DNHD1: variants seen among roughly 807,000 people sequenced by gnomAD.
DNHD1 encodes the protein dynein heavy chain domain-containing protein 1.
Under a neutral mutation model 458.1 loss-of-function variants are expected in DNHD1, and 383 were observed. The ratio of observed to expected loss-of-function variants is 0.84; its 90% CI spans 0.77 to 0.91. The LOEUF (loss-of-function observed/expected upper bound fraction) is 0.91, where lower values mean the gene tolerates loss of function less well. Among genes scored for constraint, DNHD1 ranks in the 40% least tolerant of loss-of-function variants. DNHD1 has a pLI of 0.00. For synonymous variants in DNHD1, 2,203 were observed against 2,376.9 expected (o/e 0.93, Z 2.13); for missense variants, 5,336 against 5,866.1 (o/e 0.91, Z 2.95).
Position 6,547,311 on chromosome 11 carries a change from C to T in DNHD1, c.6372C>T (p.Leu2124=), listed in dbSNP as rs1233034050. 4 of 1,551,712 alleles carry T rather than the reference C, an allele frequency of 2.6e-6. No homozygotes were observed. Among genetic ancestry groups the T allele is most frequent in the Non-Finnish European group, 3.5e-6 (4 of 1,147,022 alleles). The change falls in exon 21 of 43, where the codon CTC becomes CTT. Residue 2124 remains leucine (L), a synonymous_variant. Transcript: ENST00000254579. ...TAGCACGACCCCCAGGCACCTTTCT[C>T]TTGATGGAGGTGGCTGACACAACAG... ...QQIARPPGTF[L]LMEVADTTGI... is the part of the protein sequence containing the mutation.
At chr11:6,533,562 A>G (rs1852876296) in intron 13 of DNHD1, 119 bp from the exon 14 acceptor site, 4 of 1,274,850 alleles carry the variant, frequency 3.1e-6, no homozygotes, top group Non-Finnish European at 4.2e-6. Context: ...CCAGTTGATT[A>G]CAAGGCTGCA....
intron 7 of DNHD1, among the ~76,000 whole-genome samples, chr11:6,512,603 AC>A (rs1356698441): frequency 6.6e-5 from 10 of 152,170 alleles, no homozygotes; most frequent in East Asian, 1.9e-4. Context: ...ATTTAAAAAT[AC>A]CCGTAATAAA....
At chr11:6,539,073 C>T (rs942335350) in intron 16 of DNHD1, 146 bp from the exon 17 acceptor site, 3 of 674,206 alleles carry the variant, frequency 4.4e-6, no homozygotes, top group South Asian at 1.9e-5. Flanking sequence ...ACCTTGAGTT[C>T]TAAGCTGTTG....
rs1240882496 is a variant in DNHD1 at position 6,545,427 on chromosome 11, C to T, written c.4488C>T (p.Val1496=). The change falls in exon 21 of 43, where the codon GTC becomes GTT. Residue 1496 remains valine, a synonymous_variant. Coordinates refer to ENST00000254579, the MANE Select transcript of DNHD1 (RefSeq NM_144666.3). The surrounding 1 kb of genome is among the most constrained non-coding windows in gnomAD (Gnocchi z 4.9). The part of the protein sequence containing the change: ...KQNKLYLQLY[V]QHWIDLVQAF... ...ACAAGTTGTACCTGCAACTGTATGT[C>T]CAGCACTGGATCGACTTAGTCCAGG... The T allele has an allele frequency of 6.4e-7, 1 of 1,551,842 alleles. No individual in the cohort carries two copies. Among genetic ancestry groups the T allele is most frequent in the South Asian group, 1.2e-5 (1 of 84,064 alleles).
chr11:6,549,992 A>G (rs558507994), intron 24 of DNHD1, among the ~76,000 whole-genome samples: 51 of 152,332 alleles, frequency 3.3e-4, no homozygotes, highest in Non-Finnish European at 5.9e-4. Flanking sequence ...AAGGAAGTCA[A>G]TGGGCTGAAG....
At position 6,498,255 on chromosome 11, in the gene DNHD1, G is replaced by A. The variant is rs769890689; in HGVS notation, c.40G>A (p.Glu14Lys). The change falls in exon 3 of 43, where the codon GAG becomes AAG. Residue 14 changes from glutamate to lysine, a missense_variant. Physicochemically the swap from Glu to Lys is moderately conservative, Grantham distance 56 (BLOSUM62 1). This residue lies in a region of DNHD1 where 3,932 missense variants were observed against 4,365.6 expected (regional missense o/e 0.90). Transcript: ENST00000254579. The part of the protein sequence containing the change: ...EERRVGLSSD[E>K]TSSDSLKSWH... ...GAGGAGGGTAGGTTTGTCTTCTGAT[G>A]AGACATCATCTGATTCCCTTAAGTC... is the stretch of plus-strand genomic sequence containing the variant. The A allele has an allele frequency of 5.6e-6, 9 of 1,614,124 alleles. No individual in the cohort carries two copies. In the South Asian group the frequency reaches 9.9e-5, roughly 18 times the overall value.
Position 6,571,530 on chromosome 11 carries a change from C to T in DNHD1, c.13912-106C>T. 2.1e-6 allele frequency: 3 copies of T among 1,455,150 alleles called. No individual in the cohort carries two copies. Among genetic ancestry groups the T allele is most frequent in the Non-Finnish European group, 2.7e-6 (3 of 1,092,130 alleles). 90.1% of individuals were successfully genotyped at this position (1,455,150 alleles called of 1,614,324 possible). A position where few individuals can be genotyped will look rare whatever the true frequency, so the allele number is the denominator to read the frequency against. ...ATCTTGCCCCCGGTAACCCTGCTAG[C>T]TTCTCCGATCTCGCTTCACCACGAC... On this transcript the variant is annotated intron_variant, in intron 42 of 42. Transcript: ENST00000254579. This position sits in a 1 kb window ranked among gnomAD's most constrained non-coding sequence, Gnocchi z 5.0.
At chr11:6,538,339 A>G in intron 14 of DNHD1, 44 bp from the exon 15 acceptor site, 1 of 1,543,974 alleles carries the variant, frequency 6.5e-7, no homozygotes, top group Non-Finnish European at 8.7e-7. Flanking sequence ...CCCCCCTCCC[A>G]ACACTGCAAG....
At chr11:6,499,488 C>T (rs1333448064) in intron 3 of DNHD1, among the ~76,000 whole-genome samples, 4 of 152,100 alleles carry the variant, frequency 2.6e-5, no homozygotes, top group Non-Finnish European at 4.4e-5. Context: ...TCATTTTGAC[C>T]CTTCCAGAGT....
chr11:6,547,971 A>T lies in DNHD1; in HGVS notation c.6836A>T (p.Glu2279Val). The change falls in exon 22 of 43, where the codon GAA (glutamate) becomes GTA (valine). Residue 2279 changes from glutamate to valine, a missense_variant. Coordinates refer to ENST00000254579, the MANE Select transcript of DNHD1 (RefSeq NM_144666.3). ...DSDDVPDKCR[E>V]HLLAVSSFLF... is the part of the protein sequence containing the mutation. ...GACGATGTGCCAGATAAGTGCAGGG[A>T]ACACTTGCTGGCTGTCAGCAGTTTT... 1 of 1,551,774 alleles carries T rather than the reference A, an allele frequency of 6.4e-7. No homozygotes were observed. The highest frequency in any genetic ancestry group is 1.4e-5 in the African/African-American group (1 of 73,140).
chr11:6,520,927 G>A (rs1428946595), intron 10 of DNHD1: 2 of 943,590 alleles, frequency 2.1e-6, no homozygotes, highest in Non-Finnish European at 2.5e-6. Flanking sequence ...TCATTAAGAA[G>A]ATTTAAAGAC....
intron 10 of DNHD1, among the ~76,000 whole-genome samples, chr11:6,525,483 A>G (rs1163220744): frequency 6.6e-6 from 1 of 152,212 alleles, no homozygotes; most frequent in Non-Finnish European, 1.5e-5. Flanking sequence ...CATTCTCTAC[A>G]TCGTCATTTC....
At chr11:6,547,803 T>C in intron 21 of DNHD1, 60 bp from the exon 22 acceptor site, 3 of 1,541,118 alleles carry the variant, frequency 1.9e-6, no homozygotes, top group East Asian at 2.4e-5. Flanking sequence ...CTTTTTTCTT[T>C]CTTTCACCTT....
intron 3 of DNHD1, among the ~76,000 whole-genome samples, chr11:6,500,578 C>T (rs1852112901): frequency 6.6e-6 from 1 of 152,222 alleles, no homozygotes; most frequent in Non-Finnish European, 1.5e-5. Flanking sequence ...TACAAGTTTC[C>T]TTTCCTGGGA....
chr11:6,522,636 T>A (rs1230533345), intron 10 of DNHD1, among the ~76,000 whole-genome samples: 1 of 152,156 alleles, frequency 6.6e-6, no homozygotes, highest in African/African-American at 2.4e-5. Context: ...AAAAATGGAA[T>A]AAATTTTGAA....
rs185596759 is a variant in DNHD1 at position 6,533,073 on chromosome 11, A to G, written c.2394A>G (p.Gln798=). 4.0e-4 allele frequency: 621 copies of G among 1,551,692 alleles called. 1 individual carries two copies. In the African/African-American group the frequency reaches 7.5e-3, roughly 19 times the overall value. Residue 798 remains glutamine, a synonymous_variant, in exon 13 of 43, where the codon CAA becomes CAG. Transcript: ENST00000254579. ...SIRKDILAHV[Q]NECWNLSQQL... is the part of the protein sequence containing the mutation. ...GGAAGGACATTCTTGCACACGTGCA[A>G]AATGAGTGCTGGAACCTCAGTCAAC...
At position 6,571,537 on chromosome 11, in the gene DNHD1, G is replaced by A. The variant is rs1296340411; in HGVS notation, c.13912-99G>A. 2.1e-6 allele frequency: 3 copies of A among 1,455,322 alleles called. No homozygotes were observed. Among genetic ancestry groups the A allele is most frequent in the Non-Finnish European group, 2.7e-6 (3 of 1,092,226 alleles). The allele number at this position is 1,455,322 out of a possible 1,614,324, so 90.2% of individuals were successfully genotyped here. A position where few individuals can be genotyped will look rare whatever the true frequency, so the allele number is the denominator to read the frequency against. On this transcript the variant is annotated intron_variant, in intron 42 of 42. Coordinates refer to ENST00000254579, the MANE Select transcript of DNHD1 (RefSeq NM_144666.3). The surrounding 1 kb of genome is among the most constrained non-coding windows in gnomAD (Gnocchi z 5.0). ...CCCCGGTAACCCTGCTAGCTTCTCC[G>A]ATCTCGCTTCACCACGACCTCCTAC... is the stretch of plus-strand genomic sequence containing the variant.
Position 6,564,066 on chromosome 11 carries a change from A to G in DNHD1, c.10226A>G (p.Lys3409Arg), listed in dbSNP as rs1468042514. The G allele has an allele frequency of 1.3e-6, 2 of 1,551,528 alleles. No homozygotes were observed. The highest frequency in any genetic ancestry group is 1.7e-6 in the Non-Finnish European group (2 of 1,147,000). Reference sequence around the variant, plus strand: ...CAAGCACAGTGTGGGCAGTATCACAAATGGCCCATGAAGGCTGCACTGCTC... The same window carrying G: ...CAAGCACAGTGTGGGCAGTATCACAGATGGCCCATGAAGGCTGCACTGCTC... ...LSQAQCGQYH[K>R]WPMKAALLTP... The change falls in exon 31 of 43, where the codon AAA becomes AGA. Residue 3409 changes from lysine to arginine, a missense_variant. Physicochemically the swap from Lys to Arg is conservative, Grantham distance 26. This residue lies in a region of DNHD1 where 3,932 missense variants were observed against 4,365.6 expected (regional missense o/e 0.90). Transcript: ENST00000254579.
At chr11:6,536,278 T>C (rs1029347935) in intron 14 of DNHD1, among the ~76,000 whole-genome samples, 1 of 152,128 alleles carries the variant, frequency 6.6e-6, no homozygotes, top group African/African-American at 2.4e-5. Flanking sequence ...GATGCTATAA[T>C]TGAGGCAAAA....
Sources: gnomAD v4.1 joint callset for allele counts (sites outside exome capture counted in the v4.1 genomes callset) on GRCh38, gnomAD v4.1.1 for gene constraint, gnomAD v4.1.1 regional missense constraint, Gnocchi (gnomAD v3.1) non-coding constraint, MANE v1.5 for transcripts, NCBI Gene and HGNC (gene_info 2026-07-23, HGNC 2026-07-21) for gene names.